The following ACSBG2 variants were observed in gnomAD, a reference collection of about 807,000 sequenced individuals.
The protein encoded by ACSBG2 is long-chain-fatty-acid--CoA ligase ACSBG2.
ACSBG2 carries 62 observed loss-of-function variants against 74.7 expected under a neutral mutation model. That is an observed-to-expected ratio of 0.83 (90% CI 0.68 to 1.03). The LOEUF (loss-of-function observed/expected upper bound fraction) is 1.03, where lower values mean the gene tolerates loss of function less well. ACSBG2 is among the 50% of genes least tolerant of loss of function. The pLI is 0.00. For synonymous variants in ACSBG2, 309 were observed against 294.1 expected (o/e 1.05, Z -0.52); for missense variants, 730 against 817.6 (o/e 0.89, Z 1.31).
At chr19:6,139,093 T>TTG (rs902628205) in intron 1 of ACSBG2, among the ~76,000 whole-genome samples, 51 of 12,358 alleles carry the variant, frequency 4.1e-3, no homozygotes, top group African/African-American at 0.033. Flanking sequence ...ATTAAACTTA[T>TTG]TTTTTTTTTT....
At chr19:6,156,582 G>A in intron 5 of ACSBG2, 31 bp downstream of exon 5, 1 of 1,504,038 alleles carries the variant, frequency 6.6e-7, no homozygotes, top group South Asian at 1.3e-5. Context: ...GCCTGCCAAA[G>A]TCACCCAGGG....
intron 7 of ACSBG2, among the ~76,000 whole-genome samples, 164 bp downstream of exon 7, chr19:6,166,179 A>G (rs1298255116): frequency 6.6e-6 from 1 of 151,996 alleles, no homozygotes; most frequent in African/African-American, 2.4e-5. Flanking sequence ...AGCAGAGTGC[A>G]GTGATTGAGA....
At chr19:6,184,544 C>A (rs764930607) in intron 10 of ACSBG2, among the ~76,000 whole-genome samples, 28 of 150,830 alleles carry the variant, frequency 1.9e-4, no homozygotes, top group Non-Finnish European at 3.2e-4. Context: ...TCAAAGAGAT[C>A]TCAGCAACAC....
At chr19:6,138,447 T>G in intron 1 of ACSBG2, among the ~76,000 whole-genome samples, 1 of 131,514 alleles carries the variant, frequency 7.6e-6, no homozygotes, top group Non-Finnish European at 1.5e-5. Flanking sequence ...AGCTAATGAG[T>G]CAATGTGCTA....
chr19:6,172,699 G>T (rs2089995002), intron 7 of ACSBG2, among the ~76,000 whole-genome samples: 1 of 152,206 alleles, frequency 6.6e-6, no homozygotes, highest in African/African-American at 2.4e-5. Context: ...CTCATGCACT[G>T]TCAATAAACC....
chr19:6,188,975 T>C (rs1206757610), intron 13 of ACSBG2, among the ~76,000 whole-genome samples: 1 of 152,154 alleles, frequency 6.6e-6, no homozygotes, highest in Non-Finnish European at 1.5e-5. Flanking sequence ...GTAGAGCAGT[T>C]AAGGGGAACT....
intron 5 of ACSBG2, among the ~76,000 whole-genome samples, chr19:6,160,258 C>T (rs1008207514): frequency 7.9e-5 from 12 of 151,760 alleles, no homozygotes; most frequent in South Asian, 2.1e-4. Flanking sequence ...AGCATGGTGG[C>T]GGGCGCCTGT....
chr19:6,173,869 G>A (rs1049915449), intron 7 of ACSBG2, among the ~76,000 whole-genome samples: 1 of 152,012 alleles, frequency 6.6e-6, no homozygotes, highest in Non-Finnish European at 1.5e-5. Context: ...AAGCCACAGG[G>A]CTCTGGGCAG....
At chr19:6,176,708 C>T (rs2090098047) in intron 7 of ACSBG2, among the ~76,000 whole-genome samples, 1 of 151,844 alleles carries the variant, frequency 6.6e-6, no homozygotes, top group Admixed American at 6.6e-5. Flanking sequence ...GGTGAAGCTC[C>T]AAAAATTTTG....
intron 2 of ACSBG2, among the ~76,000 whole-genome samples, chr19:6,146,247 A>C (rs11085161): frequency 6.6e-6 from 1 of 150,884 alleles, no homozygotes; most frequent in East Asian, 2.0e-4. Flanking sequence ...AGGCAGGTGG[A>C]TCACTTGACG....
chr19:6,148,574 G>C (rs2089125327), intron 3 of ACSBG2, among the ~76,000 whole-genome samples: 1 of 151,962 alleles, frequency 6.6e-6, no homozygotes, highest in Non-Finnish European at 1.5e-5. Context: ...GAGCCTCGGA[G>C]GTCGAGGCTG....
chr19:6,188,542 G>A (rs766772220), intron 13 of ACSBG2, among the ~76,000 whole-genome samples: 1 of 152,148 alleles, frequency 6.6e-6, no homozygotes, highest in Non-Finnish European at 1.5e-5. Flanking sequence ...TGAGAGGATC[G>A]CTTGAGCCCA....
intron 7 of ACSBG2, chr19:6,175,300 T>C (rs2090062654): frequency 6.6e-6 from 1 of 152,220 alleles, no homozygotes; most frequent in Admixed American, 6.5e-5. Flanking sequence ...GAAAAATTCA[T>C]TGAGCACCTA....
chr19:6,136,912 C>T (rs926916794), intron 1 of ACSBG2, among the ~76,000 whole-genome samples: 1 of 151,494 alleles, frequency 6.6e-6, no homozygotes, highest in Non-Finnish European at 1.5e-5. Flanking sequence ...TGATTTTTAA[C>T]GTGCAGTTCC....
At chr19:6,178,816 A>G (rs899419155) in intron 8 of ACSBG2, among the ~76,000 whole-genome samples, 1 of 152,232 alleles carries the variant, frequency 6.6e-6, no homozygotes, top group Non-Finnish European at 1.5e-5. Flanking sequence ...GGTGAAAACC[A>G]AAAGGAAGTG....
At chr19:6,176,356 T>C in intron 7 of ACSBG2, 1 of 1,490,090 alleles carries the variant, frequency 6.7e-7, no homozygotes, top group South Asian at 1.4e-5. Flanking sequence ...TGTGCTGCAA[T>C]ATGGCTGAGT....
chr19:6,139,343 G>C (rs1432051828), intron 1 of ACSBG2, among the ~76,000 whole-genome samples: 1 of 152,024 alleles, frequency 6.6e-6, no homozygotes, highest in African/African-American at 2.4e-5. Context: ...TGCCAGCCTC[G>C]GCCTTCCAAA....
At chr19:6,172,049 G>C (rs945385441) in intron 7 of ACSBG2, among the ~76,000 whole-genome samples, 1 of 151,692 alleles carries the variant, frequency 6.6e-6, no homozygotes, top group Non-Finnish European at 1.5e-5. Context: ...AGTTCAATTT[G>C]GTTTTTTCTT....
rs1020886771 is a variant in ACSBG2 at position 6,183,273 on chromosome 19, G to T, written c.1322+1G>T. The stretch of plus-strand genomic sequence containing the variant: ...ACCAGAATAACTACAGGCTTCTAAG[G>T]TACCAGCCCCCGGGGCAGACCCCTG... On this transcript the variant is annotated splice_donor_variant, in intron 10 of 14. Coordinates refer to ENST00000588485, the MANE Select transcript of ACSBG2 (RefSeq NM_030924.5). LOFTEE classifies it high-confidence loss of function. 6.2e-7 allele frequency: 1 copy of T among 1,613,330 alleles called. No homozygotes were observed. The highest frequency in any genetic ancestry group is 8.5e-7 in the Non-Finnish European group (1 of 1,179,418).
Sources: gnomAD v4.1 joint callset for allele counts (sites outside exome capture counted in the v4.1 genomes callset) on GRCh38, gnomAD v4.1.1 for gene constraint, MANE v1.5 for transcripts, NCBI Gene and HGNC (gene_info 2026-07-23, HGNC 2026-07-21) for gene names.